The following DIAPH3 variants were observed in gnomAD, a reference collection of about 807,000 sequenced individuals.
DIAPH3 encodes the protein protein diaphanous homolog 3.
Under a neutral mutation model 144.3 loss-of-function variants are expected in DIAPH3, and 117 were observed. That is an observed-to-expected ratio of 0.81 (90% confidence interval 0.70 to 0.95). DIAPH3 has a LOEUF of 0.95. Ranked by LOEUF, DIAPH3 falls within the 40% of genes least tolerant of loss-of-function variation. DIAPH3 has a pLI of 0.00. For missense variants in DIAPH3, 1,421 were observed against 1,412.7 expected (o/e 1.01, Z -0.09); for synonymous variants, 519 against 488.9 (o/e 1.06, Z -0.81).
chr13:59,926,812 G>A (rs1344029102), intron 17 of DIAPH3, among the ~76,000 whole-genome samples: 1 of 152,082 alleles, frequency 6.6e-6, no homozygotes, highest in Non-Finnish European at 1.5e-5. Flanking sequence ...GCACCTACTG[G>A]ATGCTATGTT....
At chr13:60,133,159 G>A (rs1440064860) in intron 1 of DIAPH3, among the ~76,000 whole-genome samples, 170 bp from the exon 2 acceptor site, 1 of 151,882 alleles carries the variant, frequency 6.6e-6, no homozygotes, top group Non-Finnish European at 1.5e-5. Flanking sequence ...TCAAAAAGAT[G>A]GACAAAAGTT....
intron 22 of DIAPH3, among the ~76,000 whole-genome samples, chr13:59,858,078 T>C (rs1361892330): frequency 6.6e-6 from 1 of 152,124 alleles, no homozygotes; most frequent in East Asian, 1.9e-4. Flanking sequence ...TCTATAGAAG[T>C]GTGGATCTTA....
chr13:60,060,757 T>C (rs184048204), intron 4 of DIAPH3, among the ~76,000 whole-genome samples: 259 of 152,180 alleles, frequency 1.7e-3, no homozygotes, highest in African/African-American at 5.8e-3. Flanking sequence ...ATAATAGACC[T>C]AAATTTACTC....
chr13:60,050,854 A>G (rs1255902472), intron 4 of DIAPH3, among the ~76,000 whole-genome samples: 5 of 152,042 alleles, frequency 3.3e-5, no homozygotes, highest in Non-Finnish European at 7.4e-5. Flanking sequence ...AGACTACTGC[A>G]TTGTCTGGTC....
At chr13:60,108,316 A>C (rs558482852) in intron 3 of DIAPH3, among the ~76,000 whole-genome samples, 209 of 152,334 alleles carry the variant, frequency 1.4e-3, no homozygotes, top group South Asian at 2.1e-3. Context: ...TAAGATTTAA[A>C]GTATGTATAA....
chr13:59,786,137 A>G (rs1407520927), intron 25 of DIAPH3, among the ~76,000 whole-genome samples: 3 of 152,212 alleles, frequency 2.0e-5, no homozygotes, highest in Admixed American at 2.0e-4. Flanking sequence ...ATGACCAACA[A>G]CAAAAAATAA....
intron 27 of DIAPH3, among the ~76,000 whole-genome samples, chr13:59,735,674 A>AT (rs950824565): frequency 9.2e-5 from 14 of 151,920 alleles, no homozygotes; most frequent in African/African-American, 1.2e-4. Context: ...CATGAGGTAG[A>AT]TTTTTTTTTT....
At chr13:59,711,399 C>T (rs1392395589) in intron 27 of DIAPH3, among the ~76,000 whole-genome samples, 1 of 152,026 alleles carries the variant, frequency 6.6e-6, no homozygotes, top group Non-Finnish European at 1.5e-5. Context: ...AACTATTTAT[C>T]TCCATTTCTA....
chr13:59,841,316 C>T (rs1274015056), intron 22 of DIAPH3, among the ~76,000 whole-genome samples: 1 of 152,048 alleles, frequency 6.6e-6, no homozygotes, highest in Non-Finnish European at 1.5e-5. Context: ...GCAAGCTGGG[C>T]ATGGTGATGC....
chr13:59,811,028 T>C, intron 24 of DIAPH3, 105 bp from the exon 25 acceptor site: 1 of 1,081,102 alleles, frequency 9.2e-7, no homozygotes, highest in Admixed American at 2.4e-5. Flanking sequence ...TGATTATCTT[T>C]TAGATAATGG....
chr13:60,041,648 T>C (rs2055674348), intron 5 of DIAPH3, among the ~76,000 whole-genome samples: 1 of 152,076 alleles, frequency 6.6e-6, no homozygotes, highest in African/African-American at 2.4e-5. Flanking sequence ...GAACCTCCAA[T>C]TATAGTATGC....
rs1001335762 is a variant in DIAPH3 at position 59,971,156 on chromosome 13, C to T, written c.1655G>A (p.Gly552Asp). The T allele has an allele frequency of 2.5e-6, 4 of 1,571,824 alleles. No homozygotes were observed. The highest frequency in any genetic ancestry group is 2.7e-5 in the African/African-American group (2 of 74,238). ...AATATTACAATCAGCTGGCAAGGCA[C>T]CAAACTGGAGAAAAAAACAATAAGA... ...AELQAFKSQFGALPADCNIPL... is the reference protein window; with the variant it reads ...AELQAFKSQFDALPADCNIPL... The change falls in exon 16 of 28, where the codon GGT becomes GAT. Residue 552 changes from glycine to aspartate, a missense_variant. By Grantham distance (94) the Gly-to-Asp change is moderately conservative (BLOSUM62 -1). Transcript: ENST00000400324.
At chr13:59,910,855 A>G (rs775380698) in intron 20 of DIAPH3, among the ~76,000 whole-genome samples, 14 of 151,052 alleles carry the variant, frequency 9.3e-5, no homozygotes, top group Admixed American at 4.6e-4. Context: ...TGGTGGTAGC[A>G]AGGAGTAGAA....
intron 25 of DIAPH3, among the ~76,000 whole-genome samples, chr13:59,786,348 A>T (rs2039027725): frequency 6.6e-6 from 1 of 152,140 alleles, no homozygotes; most frequent in African/African-American, 2.4e-5. Flanking sequence ...AAAAAAAGAA[A>T]CCTATTCTTG....
chr13:60,065,395 G>A (rs535442261), intron 4 of DIAPH3, among the ~76,000 whole-genome samples: 3 of 151,852 alleles, frequency 2.0e-5, no homozygotes, highest in African/African-American at 4.8e-5. Context: ...TCCCAAATCT[G>A]ATCTTATGTT....
intron 4 of DIAPH3, among the ~76,000 whole-genome samples, chr13:60,044,627 A>T (rs2055932962): frequency 6.6e-6 from 1 of 152,228 alleles, no homozygotes; most frequent in Admixed American, 6.5e-5. Context: ...AACAGGAACA[A>T]AGGTGCCTCA....
intron 17 of DIAPH3, among the ~76,000 whole-genome samples, chr13:59,960,543 C>T (rs142574119): frequency 6.6e-6 from 1 of 152,312 alleles, no homozygotes; most frequent in East Asian, 1.9e-4. Context: ...TTATCTGGCA[C>T]TCTTATTTGC....
intron 17 of DIAPH3, among the ~76,000 whole-genome samples, chr13:59,953,121 G>A (rs977780665): frequency 6.6e-6 from 1 of 152,096 alleles, no homozygotes; most frequent in African/African-American, 2.4e-5. Flanking sequence ...TTGAGCATGG[G>A]AACCTCATTG....
intron 27 of DIAPH3, among the ~76,000 whole-genome samples, chr13:59,696,950 A>G (rs1250881368): frequency 6.6e-6 from 1 of 152,116 alleles, no homozygotes; most frequent in Non-Finnish European, 1.5e-5. Flanking sequence ...TTAGGGAATC[A>G]TATTCCCAAG....
Sources: allele counts gnomAD v4.1 joint callset (sites outside exome capture counted in the v4.1 genomes callset), GRCh38; gene constraint gnomAD v4.1.1; transcripts MANE v1.5; gene names NCBI Gene and HGNC (gene_info 2026-07-23, HGNC 2026-07-21).